The following ENO4 variants were observed in gnomAD, a reference collection of about 807,000 sequenced individuals.
ENO4 encodes enolase 4.
A neutral mutation model predicts 63.2 loss-of-function variants in ENO4; 53 were observed. The ratio of observed to expected loss-of-function variants is 0.84; its 90% CI spans 0.67 to 1.05. ENO4 has a LOEUF of 1.05. Among genes scored for constraint, ENO4 ranks in the 50% least tolerant of loss-of-function variants. The pLI, the probability that ENO4 is intolerant of heterozygous loss-of-function variation, is 0.00. For synonymous variants in ENO4, 266 were observed against 283.8 expected, an observed-to-expected ratio of 0.94 and a Z score of 0.63; for missense variants, 719 against 772.0, an observed-to-expected ratio of 0.93 and a Z score of 0.81.
chr10:116,849,682 T>C lies in ENO4; in HGVS notation c.116T>C (p.Leu39Pro), dbSNP rs1296506858. ...GACGTTCCGCGCAGGCTGGAAGAGC[T>C]GCTCAACTCCACCTTCTACCTCCAG... ...ENDVPRRLEELLNSTFYLQPA... is the reference protein window; with the variant it reads ...ENDVPRRLEEPLNSTFYLQPA... The change falls in exon 1 of 14, where the codon CTG becomes CCG. Residue 39 changes from leucine to proline, a missense_variant. By Grantham distance (98) the Leu-to-Pro change is moderately conservative. Transcript: ENST00000341276. The C allele has an allele frequency of 1.9e-6, 3 of 1,548,886 alleles. No individual in the cohort carries two copies. The highest frequency in any genetic ancestry group is 2.4e-5 in the East Asian group (1 of 40,842).
chr10:116,869,572 G>A (rs1037328835), intron 8 of ENO4, among the ~76,000 whole-genome samples: 8 of 152,142 alleles, frequency 5.3e-5, no homozygotes, highest in Admixed American at 4.6e-4. Flanking sequence ...CACATACAGC[G>A]GTAAGTAAAA....
At chr10:116,854,346 T>G (rs1462985085) in intron 1 of ENO4, among the ~76,000 whole-genome samples, 1 of 150,542 alleles carries the variant, frequency 6.6e-6, no homozygotes. Flanking sequence ...GATCACGAGG[T>G]CAGGAGTTTG....
intron 10 of ENO4, among the ~76,000 whole-genome samples, chr10:116,890,075 T>C (rs1847288490): frequency 1.3e-5 from 2 of 152,126 alleles, no homozygotes; most frequent in South Asian, 4.2e-4. Context: ...TTCTAGAGGG[T>C]TAAATATGAA....
At chr10:116,869,055 TTTA>T (rs1344058606) in intron 8 of ENO4, among the ~76,000 whole-genome samples, 3 of 152,308 alleles carry the variant, frequency 2.0e-5, no homozygotes, top group South Asian at 2.1e-4. Context: ...TGTTTTACAT[TTTA>T]TTATTAACAA....
chr10:116,876,328 C>T, intron 11 of ENO4, 68 bp downstream of exon 11: 1 of 1,191,540 alleles, frequency 8.4e-7, no homozygotes, highest in Non-Finnish European at 1.1e-6. Context: ...AAATACACAG[C>T]ATATCAAAGT....
chr10:116,904,276 T>C (rs191735340), intron 10 of ENO4, among the ~76,000 whole-genome samples: 3 of 152,318 alleles, frequency 2.0e-5, no homozygotes, highest in Admixed American at 6.5e-5. Flanking sequence ...TCTTGCTTAC[T>C]TTCCCCCCTG....
At chr10:116,871,052 A>C (rs1337806672) in intron 8 of ENO4, 73 bp from the exon 9 acceptor site, 2 of 1,325,656 alleles carry the variant, frequency 1.5e-6, no homozygotes, top group African/African-American at 2.9e-5. Flanking sequence ...ATCATAAACC[A>C]TGCTTATCAC....
chr10:116,874,323 ATT>A, intron 10 of ENO4, 122 bp downstream of exon 10: 1 of 924,156 alleles, frequency 1.1e-6, no homozygotes, highest in South Asian at 3.3e-5. Context: ...ATAAAATCTC[ATT>A]CTTTTGGATC....
chr10:116,862,909 G>T, intron 7 of ENO4, 57 bp downstream of exon 7: 1 of 1,119,146 alleles, frequency 8.9e-7, no homozygotes, highest in Non-Finnish European at 1.3e-6. Flanking sequence ...CTTCTAGCAT[G>T]CAACTTGTAG....
intron 10 of ENO4, among the ~76,000 whole-genome samples, chr10:116,892,484 G>A (rs2133305564): frequency 6.6e-6 from 1 of 152,266 alleles, no homozygotes; most frequent in East Asian, 1.9e-4. Flanking sequence ...TAAAAGCCAT[G>A]TTATTTATAA....
At chr10:116,852,766 G>GATAGATGCCCAGCCAACCCCTC (rs1188923443) in intron 1 of ENO4, among the ~76,000 whole-genome samples, 1 of 152,144 alleles carries the variant, frequency 6.6e-6, no homozygotes, top group Non-Finnish European at 1.5e-5. Context: ...CTGTGAGAAA[G>GATAGATGCCCAGCCAACCCCTC]ATAGATGCCC....
chr10:116,855,890 G>A, intron 2 of ENO4, 139 bp downstream of exon 2: 2 of 987,920 alleles, frequency 2.0e-6, no homozygotes, highest in Non-Finnish European at 2.9e-6. Context: ...ATGTAAGCAT[G>A]AATCATACCA....
intron 10 of ENO4, among the ~76,000 whole-genome samples, chr10:116,892,704 C>G (rs1336866875): frequency 6.6e-6 from 1 of 152,102 alleles, no homozygotes; most frequent in African/African-American, 2.4e-5. Flanking sequence ...TTTCATAGAG[C>G]TATATAATAA....
chr10:116,878,569 G>A (rs1846901012), intron 11 of ENO4, among the ~76,000 whole-genome samples: 2 of 151,976 alleles, frequency 1.3e-5, no homozygotes, highest in Non-Finnish European at 2.9e-5. Flanking sequence ...CCAACTCCAC[G>A]TTACTCTTAC....
At chr10:116,904,280 C>G (rs1029744796) in intron 10 of ENO4, among the ~76,000 whole-genome samples, 1 of 152,136 alleles carries the variant, frequency 6.6e-6, no homozygotes, top group African/African-American at 2.4e-5. Context: ...GCTTACTTTC[C>G]CCCCTGGAAT....
Position 116,858,973 on chromosome 10 carries a change from A to AT in ENO4, c.486-13dup, listed in dbSNP as rs1303766238. The AT allele has an allele frequency of 2.0e-6, 3 of 1,510,080 alleles. No homozygotes were observed. The highest frequency in any genetic ancestry group is 4.9e-5 in the East Asian group (2 of 40,712). 93.5% of individuals were successfully genotyped at this position (1,510,080 alleles called of 1,614,324 possible). Reference sequence around the variant, plus strand: ...CCTAAATATCCCACTGTAAAGCCATATTTTCTTGCTATTAAGGATATTCTT... The same window carrying AT: ...CCTAAATATCCCACTGTAAAGCCATATTTTTCTTGCTATTAAGGATATTCTT... On this transcript the variant is annotated splice_polypyrimidine_tract_variant and intron_variant, in intron 3 of 13. Coordinates refer to ENST00000341276, the MANE Select transcript of ENO4 (RefSeq NM_001242699.2).
intron 4 of ENO4, 22 bp from the exon 5 acceptor site, chr10:116,860,772 C>A (rs758635541): frequency 2.8e-6 from 4 of 1,408,432 alleles, no homozygotes; most frequent in Admixed American, 2.5e-5. Flanking sequence ...TACAGTCTTA[C>A]TCTCAATATT....
rs777421901 is a variant in ENO4, at chr10:116,879,937, C to A, written c.1674C>A (p.Tyr558Ter). Residue 558 changes from tyrosine (Y) to a stop codon, truncating the protein, a stop_gained, in exon 13 of 14, where the codon TAC becomes TAA. Coordinates refer to ENST00000341276, the MANE Select transcript of ENO4 (RefSeq NM_001242699.2). LOFTEE classifies it low-confidence loss of function (END_TRUNC). ...CCCGTGGTGAACGAGTGACTAAATA[C>A]AACCGCCTTCTCACTATAGAGGAAG... The part of the protein sequence containing the change: ...GLSRGERVTK[Y>*]NRLLTIEEEL... The A allele has an allele frequency of 2.6e-6, 4 of 1,550,674 alleles. No individual in the cohort carries two copies. Among genetic ancestry groups the A allele is most frequent in the South Asian group, 1.2e-5 (1 of 84,002 alleles).
chr10:116,884,047 G>A (rs966800544), downstream of ENO4: 4 of 305,798 alleles, frequency 1.3e-5, no homozygotes, highest in East Asian at 8.9e-5. Flanking sequence ...CCTCTATAGC[G>A]CACAAGACTT....
Sources: allele counts gnomAD v4.1 joint callset (sites outside exome capture counted in the v4.1 genomes callset), GRCh38; gene constraint gnomAD v4.1.1; transcripts MANE v1.5; gene names NCBI Gene and HGNC (gene_info 2026-07-23, HGNC 2026-07-21).